Variants in MDFIC observed in about 807,000 individuals in gnomAD.
MDFIC encodes the protein MyoD family inhibitor domain containing.
MDFIC carries 17 observed loss-of-function variants against 23.2 expected under a neutral mutation model. That is an observed-to-expected ratio of 0.73 (90% confidence interval 0.50 to 1.10). The LOEUF (loss-of-function observed/expected upper bound fraction) is 1.10. Ranked by LOEUF, MDFIC falls within the 50% of genes least tolerant of loss-of-function variation. The pLI is 0.00. For missense variants in MDFIC, 356 were observed against 316.6 expected, an observed-to-expected ratio of 1.12 and a Z score of -0.95; for synonymous variants, 120 against 115.2, an observed-to-expected ratio of 1.04 and a Z score of -0.27.
rs147899743 is a variant in MDFIC at position 114,924,017 on chromosome 7, G to A, written c.94+890G>A. On this transcript the variant is annotated intron_variant, in intron 2 of 4. Transcript: ENST00000393486. ...AGTGAATCTTAGGGATTTTTTTTAA[G>A]GCAGCAAAAATTGGAGAAGGAGTTA... Among the ~76,000 whole-genome samples the A allele has an allele frequency of 1.7e-3, 257 of 152,066 alleles. 1 individual carries two copies. The Middle Eastern group carries it at 0.017, about 10-fold the overall frequency.
chr7:114,973,707 T>C (rs1793253830), intron 3 of MDFIC, among the ~76,000 whole-genome samples: 1 of 152,164 alleles, frequency 6.6e-6, no homozygotes, highest in Non-Finnish European at 1.5e-5. Context: ...TGGGGGTAGT[T>C]GTACTTCCTG....
chr7:114,984,245 A>C (rs1308073202), intron 4 of MDFIC, among the ~76,000 whole-genome samples: 1 of 152,204 alleles, frequency 6.6e-6, no homozygotes, highest in African/African-American at 2.4e-5. Flanking sequence ...CAGTTTTAAA[A>C]ACAACTCTCA....
intron 3 of MDFIC, among the ~76,000 whole-genome samples, chr7:114,962,931 T>C (rs1467323655): frequency 6.6e-6 from 1 of 152,196 alleles, no homozygotes; most frequent in Non-Finnish European, 1.5e-5. Context: ...TATAAATAAG[T>C]TTGTATATTT....
intron 3 of MDFIC, among the ~76,000 whole-genome samples, chr7:114,970,142 C>T (rs1320430960): frequency 3.3e-5 from 5 of 152,136 alleles, no homozygotes; most frequent in African/African-American, 1.2e-4. Context: ...TGGGTTCTGT[C>T]CCAGTGGATT....
At chr7:114,941,598 A>G (rs1792541344) in intron 2 of MDFIC, among the ~76,000 whole-genome samples, 1 of 152,046 alleles carries the variant, frequency 6.6e-6, no homozygotes, top group South Asian at 2.1e-4. Flanking sequence ...GAACCTTTTT[A>G]GTGCTCTGGA....
intron 4 of MDFIC, among the ~76,000 whole-genome samples, chr7:114,992,800 C>T (rs2116035165): frequency 6.6e-6 from 1 of 152,242 alleles, no homozygotes; most frequent in South Asian, 2.1e-4. Flanking sequence ...GGATATTGGT[C>T]TAAAATTCTC....
At position 114,922,583 on chromosome 7, in the gene MDFIC, A is replaced by AGAGGAGGAG; in HGVS notation, c.-149_-141dup. 2 of 1,266,886 alleles carry AGAGGAGGAG rather than the reference A, an allele frequency of 1.6e-6. No homozygotes were observed. Among genetic ancestry groups the AGAGGAGGAG allele is most frequent in the East Asian group, 3.1e-5 (1 of 32,630 alleles). 78.5% of individuals were successfully genotyped at this position (1,266,886 alleles called of 1,614,324 possible). A position where few individuals can be genotyped will look rare whatever the true frequency, so the allele number is the denominator to read the frequency against. On this transcript the variant is annotated 5_prime_UTR_variant, in exon 1 of 5. Transcript: ENST00000393486. ...AGGCTCGCTAACTTTCCGGGGCGGA[A>AGAGGAGGAG]GAGGAGGAGGAGGAGGAGGAAGGGG...
intron 2 of MDFIC, among the ~76,000 whole-genome samples, chr7:114,935,650 G>T (rs1792410718): frequency 6.6e-6 from 1 of 151,876 alleles, no homozygotes; most frequent in African/African-American, 2.4e-5. Context: ...AATATAAGTA[G>T]ACTAGGAAAC....
chr7:114,941,828 A>G (rs567265390), intron 2 of MDFIC, among the ~76,000 whole-genome samples: 53 of 152,186 alleles, frequency 3.5e-4, no homozygotes, highest in African/African-American at 1.3e-3. Context: ...CTTGTTTTCT[A>G]TACCTCCTCA....
intron 4 of MDFIC, among the ~76,000 whole-genome samples, chr7:114,992,744 G>C (rs1300489971): frequency 6.6e-6 from 1 of 152,068 alleles, no homozygotes; most frequent in Non-Finnish European, 1.5e-5. Context: ...TTCTGGATTC[G>C]GTTTGCCAGT....
At chr7:114,950,844 T>C (rs1446273874) in intron 3 of MDFIC, among the ~76,000 whole-genome samples, 1 of 152,180 alleles carries the variant, frequency 6.6e-6, no homozygotes, top group Non-Finnish European at 1.5e-5. Context: ...TTTTTATCAA[T>C]GTTTCTGGAA....
intron 3 of MDFIC, among the ~76,000 whole-genome samples, chr7:114,963,602 G>A (rs1400752947): frequency 2.0e-5 from 3 of 152,234 alleles, no homozygotes; most frequent in Admixed American, 6.5e-5. Context: ...GAGGCAAGAT[G>A]TGTCAGCCTG....
chr7:114,932,468 A>G (rs1792330677), intron 2 of MDFIC, among the ~76,000 whole-genome samples: 1 of 152,220 alleles, frequency 6.6e-6, no homozygotes, highest in Non-Finnish European at 1.5e-5. Flanking sequence ...CAACAGTTAT[A>G]GAAACAGACA....
intron 4 of MDFIC, chr7:115,014,044 T>C (rs1024866476): frequency 1.0e-5 from 10 of 985,392 alleles, no homozygotes; most frequent in Non-Finnish European, 1.2e-5. Flanking sequence ...GAACAGTGTG[T>C]CCTTCTACAA....
intron 2 of MDFIC, among the ~76,000 whole-genome samples, chr7:114,937,354 A>G (rs550969215): frequency 7.2e-5 from 11 of 152,304 alleles, no homozygotes; most frequent in African/African-American, 2.6e-4. Context: ...TCTCTTGCTC[A>G]ATTCATGTTT....
At chr7:115,002,536 G>A (rs10278157) in intron 4 of MDFIC, among the ~76,000 whole-genome samples, 2 of 152,290 alleles carry the variant, frequency 1.3e-5, no homozygotes, top group East Asian at 1.9e-4. Flanking sequence ...AAGACAAGCA[G>A]ACCTGCCCTC....
At chr7:114,964,305 C>G (rs1793051075) in intron 3 of MDFIC, among the ~76,000 whole-genome samples, 1 of 152,124 alleles carries the variant, frequency 6.6e-6, no homozygotes, top group African/African-American at 2.4e-5. Context: ...TAAAAATCAT[C>G]AGGGTTAAGT....
At chr7:114,937,860 T>G (rs532589225) in intron 2 of MDFIC, among the ~76,000 whole-genome samples, 2 of 152,326 alleles carry the variant, frequency 1.3e-5, no homozygotes, top group South Asian at 4.2e-4. Context: ...CTAGTACTAT[T>G]TTTAATGCAT....
Position 114,922,467 on chromosome 7 carries a change from G to C in MDFIC, c.-277G>C, listed in dbSNP as rs1422645309. The C allele has an allele frequency of 2.1e-5, 26 of 1,248,810 alleles. No individual in the cohort carries two copies. In the East Asian group the frequency reaches 8.2e-4, roughly 39 times the overall value. The allele number at this position is 1,248,810 out of a possible 1,614,324, so 77.4% of individuals were successfully genotyped here. ...CTGCCGCAGTTGCCGCCACTGCGGC[G>C]TCTGGGCTGAGCCGGAGGGAGGCGG... On this transcript the variant is annotated 5_prime_UTR_variant, in exon 1 of 5. Coordinates refer to ENST00000393486, the MANE Select transcript of MDFIC (RefSeq NM_001166345.3).
Sources: allele counts gnomAD v4.1 joint callset (sites outside exome capture counted in the v4.1 genomes callset), GRCh38; gene constraint gnomAD v4.1.1; transcripts MANE v1.5; gene names NCBI Gene and HGNC (gene_info 2026-07-23, HGNC 2026-07-21).